Variants in TCERG1L observed in about 807,000 individuals in gnomAD.
TCERG1L encodes transcription elongation regulator 1 like, also known as transcription elongation regulator 1-like protein.
TCERG1L carries 37 observed loss-of-function variants against 56.3 expected under a neutral mutation model. The observed-to-expected ratio is 0.66, with a 90% CI of 0.51 to 0.87. The LOEUF (loss-of-function observed/expected upper bound fraction) is 0.87. TCERG1L is among the 40% of genes least tolerant of loss of function. The pLI is 0.00. For synonymous variants in TCERG1L, 324 were observed against 326.3 expected (o/e 0.99, Z 0.08); for missense variants, 799 against 774.2 (o/e 1.03, Z -0.38).
At chr10:131,236,445 G>C (rs879421377) in intron 4 of TCERG1L, among the ~76,000 whole-genome samples, 1 of 152,160 alleles carries the variant, frequency 6.6e-6, no homozygotes, top group Non-Finnish European at 1.5e-5. Context: ...GCCACAAACC[G>C]CATGATGTGG....
chr10:131,210,165 T>G (rs1420997473), intron 4 of TCERG1L, among the ~76,000 whole-genome samples: 1 of 152,270 alleles, frequency 6.6e-6, no homozygotes, highest in Non-Finnish European at 1.5e-5. Flanking sequence ...CCCTCTCTTT[T>G]GTTATTACCA....
At chr10:131,215,134 T>C (rs930497663) in intron 4 of TCERG1L, among the ~76,000 whole-genome samples, 5 of 152,132 alleles carry the variant, frequency 3.3e-5, no homozygotes, top group African/African-American at 1.2e-4. Context: ...CAATGCCACT[T>C]TATGTGAAAG....
At chr10:131,224,621 A>G (rs375953538) in intron 4 of TCERG1L, among the ~76,000 whole-genome samples, 1 of 152,082 alleles carries the variant, frequency 6.6e-6, no homozygotes, top group Non-Finnish European at 1.5e-5. Context: ...CGGCCTGGGG[A>G]GTTACCTGAA....
intron 3 of TCERG1L, among the ~76,000 whole-genome samples, chr10:131,264,806 A>C (rs1370287472): frequency 6.6e-6 from 1 of 152,180 alleles, no homozygotes; most frequent in African/African-American, 2.4e-5. Context: ...GTTCCCAGGG[A>C]ATTCCCGCTC....
At chr10:131,215,175 C>T (rs1225200497) in intron 4 of TCERG1L, among the ~76,000 whole-genome samples, 1 of 152,162 alleles carries the variant, frequency 6.6e-6, no homozygotes, top group Non-Finnish European at 1.5e-5. Flanking sequence ...CAATGATTTC[C>T]CTTTATTTGA....
intron 6 of TCERG1L, among the ~76,000 whole-genome samples, chr10:131,148,261 A>C (rs912155765): frequency 6.6e-6 from 1 of 152,230 alleles, no homozygotes; most frequent in African/African-American, 2.4e-5. Flanking sequence ...AAGATCAGTG[A>C]GGAAGAGATA....
intron 11 of TCERG1L, among the ~76,000 whole-genome samples, chr10:131,097,449 G>C (rs1468114301): frequency 6.6e-6 from 1 of 152,078 alleles, no homozygotes; most frequent in East Asian, 1.9e-4. Context: ...CCAGGTTTAC[G>C]CCATTCTCCT....
chr10:131,284,830 C>T (rs1353848302), intron 3 of TCERG1L, among the ~76,000 whole-genome samples: 3 of 151,966 alleles, frequency 2.0e-5, no homozygotes, highest in African/African-American at 4.8e-5. Context: ...ATGAACCCTA[C>T]CAGAATAGGA....
intron 4 of TCERG1L, among the ~76,000 whole-genome samples, chr10:131,183,058 C>T (rs912448863): frequency 6.6e-6 from 1 of 152,124 alleles, no homozygotes; most frequent in African/African-American, 2.4e-5. Flanking sequence ...AGCAAACCAC[C>T]CATCACTTGA....
intron 8 of TCERG1L, among the ~76,000 whole-genome samples, chr10:131,123,945 G>T (rs1424291896): frequency 6.6e-6 from 1 of 152,194 alleles, no homozygotes; most frequent in Non-Finnish European, 1.5e-5. Flanking sequence ...TGTTGTTCCA[G>T]GTAGGGCATG....
At chr10:131,223,822 C>T (rs1177707204) in intron 4 of TCERG1L, among the ~76,000 whole-genome samples, 6 of 151,962 alleles carry the variant, frequency 3.9e-5, no homozygotes. Context: ...CCCCCACGCA[C>T]CCACGAACCC....
chr10:131,308,179 A>G (rs1294085275), intron 3 of TCERG1L, 32 bp downstream of exon 3: 1 of 1,559,188 alleles, frequency 6.4e-7, no homozygotes, highest in South Asian at 1.2e-5. Flanking sequence ...CAAAAATGAA[A>G]CAGACATTGT....
intron 1 of TCERG1L, among the ~76,000 whole-genome samples, chr10:131,310,827 G>A (rs530883669): frequency 1.3e-5 from 2 of 152,300 alleles, no homozygotes; most frequent in South Asian, 2.1e-4. Context: ...TCAAATGAAA[G>A]GGGGAAAAAC....
chr10:131,163,289 A>G, intron 5 of TCERG1L, 79 bp from the exon 6 acceptor site: 2 of 1,178,012 alleles, frequency 1.7e-6, no homozygotes, highest in East Asian at 5.3e-5. Flanking sequence ...AGGGAGGAAT[A>G]AACAAATCTC....
At chr10:131,116,047 G>C (rs374036546) in intron 9 of TCERG1L, among the ~76,000 whole-genome samples, 1 of 152,170 alleles carries the variant, frequency 6.6e-6, no homozygotes, top group East Asian at 1.9e-4. Flanking sequence ...ATCCTCACAC[G>C]TGGGGCCCAC....
chr10:131,279,884 T>C (rs1036909284), intron 3 of TCERG1L, among the ~76,000 whole-genome samples: 16 of 151,986 alleles, frequency 1.1e-4, no homozygotes, highest in Non-Finnish European at 1.9e-4. Context: ...AGCTACTCTC[T>C]CGGGGGCACA....
chr10:131,095,003 G>A (rs1845226901), intron 11 of TCERG1L, among the ~76,000 whole-genome samples: 1 of 152,234 alleles, frequency 6.6e-6, no homozygotes, highest in African/African-American at 2.4e-5. Context: ...ATGCCAAGGG[G>A]CAGCAACCGG....
At chr10:131,173,122 C>G (rs1273011496) in intron 4 of TCERG1L, among the ~76,000 whole-genome samples, 1 of 151,990 alleles carries the variant, frequency 6.6e-6, no homozygotes, top group Non-Finnish European at 1.5e-5. Context: ...AACTCCTGAC[C>G]TCAGGTGATC....
intron 4 of TCERG1L, among the ~76,000 whole-genome samples, chr10:131,237,873 T>C (rs996001067): frequency 2.6e-5 from 4 of 152,116 alleles, no homozygotes; most frequent in Non-Finnish European, 4.4e-5. Flanking sequence ...TGACTGAGAG[T>C]TGGCGGGCGT....
Sources: allele counts gnomAD v4.1 joint callset (sites outside exome capture counted in the v4.1 genomes callset), GRCh38; gene constraint gnomAD v4.1.1; transcripts MANE v1.5; gene names NCBI Gene and HGNC (gene_info 2026-07-23, HGNC 2026-07-21).